NR2C2: variants seen among roughly 807,000 people sequenced by gnomAD.
NR2C2 encodes the protein Nuclear hormone receptor TR4.
NR2C2 carries 6 observed loss-of-function variants against 62.9 expected under a neutral mutation model. The observed-to-expected ratio is 0.10, with a 90% confidence interval of 0.05 to 0.19. NR2C2 has a LOEUF of 0.19. Among genes scored for constraint, NR2C2 ranks in the 10% least tolerant of loss-of-function variants. NR2C2 has a pLI of 1.00. For synonymous variants in NR2C2, 272 were observed against 273.8 expected (o/e 0.99, Z 0.07); for missense variants, 479 against 762.7 (o/e 0.63, Z 4.38).
At chr3:14,948,354 G>GC (rs1421949988) in intron 1 of NR2C2, 1 of 152,214 alleles carries the variant, frequency 6.6e-6, no homozygotes, top group African/African-American at 2.4e-5. Flanking sequence ...CAGCCCAACC[G>GC]CCGTTTTTTC....
intron 11 of NR2C2, among the ~76,000 whole-genome samples, chr3:15,037,471 T>G (rs144750624): frequency 6.6e-4 from 101 of 152,302 alleles, no homozygotes; most frequent in African/African-American, 2.2e-3. Context: ...AAGCCAGGCA[T>G]GGTGATGCAC....
chr3:15,020,774 G>C lies in NR2C2; in HGVS notation c.398G>C (p.Ser133Thr), dbSNP rs2041649865. ...TCAGGCCGTCACTATGGGGCTGTCA[G>C]TTGTGAAGGTTGCAAAGGTTTCTTC... ...KASGRHYGAV[S>T]CEGCKGFFKR... is the part of the protein sequence containing the mutation. The change falls in exon 5 of 14, where the codon AGT (serine) becomes ACT (threonine). Residue 133 changes from serine to threonine, a missense_variant. Ser to Thr is a moderately conservative substitution (Grantham distance 58). Coordinates refer to ENST00000425241, the MANE Select transcript of NR2C2 (RefSeq NM_001291694.2). The C allele has an allele frequency of 6.2e-7, 1 of 1,614,036 alleles. No individual in the cohort carries two copies. The highest frequency in any genetic ancestry group is 1.3e-5 in the African/African-American group (1 of 74,926).
chr3:15,019,064 A>G (rs2041598204), intron 4 of NR2C2, among the ~76,000 whole-genome samples: 1 of 150,316 alleles, frequency 6.7e-6, no homozygotes, highest in African/African-American at 2.4e-5. Context: ...AAAATCTTAT[A>G]AAAATAAAAA....
In NR2C2 at chr3:14,996,356, T is replaced by C. The variant is rs903557449; in HGVS notation, c.-39-7520T>C. Among the ~76,000 whole-genome samples, 33 of 152,274 alleles carry C rather than the reference T, an allele frequency of 2.2e-4. 4 individuals carry two copies. Among genetic ancestry groups the C allele is most frequent in the South Asian group, 2.1e-3 (10 of 4,830 alleles). On this transcript the variant is annotated intron_variant, in intron 1 of 13. Transcript: ENST00000425241. ...TCTGTTTGAGAGACACATTAGCACATTGTATCATGTGTAGCAAAGACAGTT... is the reference window on the plus strand; with the variant it reads ...TCTGTTTGAGAGACACATTAGCACACTGTATCATGTGTAGCAAAGACAGTT...
intron 11 of NR2C2, among the ~76,000 whole-genome samples, chr3:15,037,203 TTTTG>T (rs987915349): frequency 3.1e-5 from 4 of 126,992 alleles, no homozygotes; most frequent in South Asian, 2.3e-4. Flanking sequence ...TGTTATTGTT[TTTTG>T]TTTGTGTGTG....
Position 15,028,703 on chromosome 3 carries a change from G to A in NR2C2, c.916G>A (p.Ala306Thr). 1 of 1,614,032 alleles carries A rather than the reference G, an allele frequency of 6.2e-7. No individual in the cohort carries two copies. Among genetic ancestry groups the A allele is most frequent in the Non-Finnish European group, 8.5e-7 (1 of 1,179,914 alleles). The change falls in exon 8 of 14, where the codon GCA (alanine) becomes ACA (threonine). Residue 306 changes from alanine to threonine, a missense_variant. Physicochemically the swap from Ala to Thr is moderately conservative, Grantham distance 58 (BLOSUM62 0). Around this residue, in one of 4 missense-constraint regions of NR2C2, gnomAD observed 151 missense variants for 176.1 expected, o/e 0.86. Transcript: ENST00000425241. The part of the protein sequence containing the change: ...TSEIQPEDQS[A>T]SEITRAFDTL... ...AGAAATCCAGCCAGAGGACCAGTCT[G>A]CAAGTGAGATAACTCGGTACGAGCC...
Position 15,045,902 on chromosome 3 carries a change from A to G in NR2C2, c.*2894A>G, listed in dbSNP as rs2125116719. On this transcript the variant is annotated 3_prime_UTR_variant, in exon 14 of 14. Coordinates refer to ENST00000425241, the MANE Select transcript of NR2C2 (RefSeq NM_001291694.2). ...GCTGGCTCAGAGAGGTGGGACAGACACATGCTGTCATCAGTTAAGTGAGCT... is the reference window on the plus strand; with the variant it reads ...GCTGGCTCAGAGAGGTGGGACAGACGCATGCTGTCATCAGTTAAGTGAGCT... The G allele has an allele frequency of 1.3e-5, 2 of 152,360 alleles. No individual in the cohort carries two copies. The highest frequency in any genetic ancestry group is 2.1e-4 in the South Asian group (1 of 4,828). The allele number at this position is 152,360 out of a possible 1,614,324, so 9.4% of individuals were successfully genotyped here.
intron 11 of NR2C2, among the ~76,000 whole-genome samples, chr3:15,035,262 T>A (rs933071334): frequency 6.6e-6 from 1 of 152,182 alleles, no homozygotes; most frequent in Non-Finnish European, 1.5e-5. Context: ...AGGTACTCCA[T>A]CCTGGGTAAT....
chr3:15,018,382 A>AT (rs2041571670), intron 4 of NR2C2, among the ~76,000 whole-genome samples: 1 of 152,258 alleles, frequency 6.6e-6, no homozygotes, highest in South Asian at 2.1e-4. Flanking sequence ...TACCCAGAAC[A>AT]TATAGCGAAC....
intron 1 of NR2C2, among the ~76,000 whole-genome samples, chr3:15,002,444 A>G (rs2041035152): frequency 6.6e-6 from 1 of 152,020 alleles, no homozygotes; most frequent in South Asian, 2.1e-4. Flanking sequence ...GTGGTGTATA[A>G]TCCTTTATAT....
At chr3:15,020,032 A>G (rs2041626427) in intron 4 of NR2C2, among the ~76,000 whole-genome samples, 1 of 152,248 alleles carries the variant, frequency 6.6e-6, no homozygotes, top group African/African-American at 2.4e-5. Context: ...GACATGGACA[A>G]TTACAATGTA....
At position 15,043,085 on chromosome 3, in the gene NR2C2, T is replaced by G; in HGVS notation, c.*77T>G. ...CATACAAAGAAAAGTAGTGGTATTT[T>G]GGTATGTGCAAATATTTCCATATGT... On this transcript the variant is annotated 3_prime_UTR_variant, in exon 14 of 14. Coordinates refer to ENST00000425241, the MANE Select transcript of NR2C2 (RefSeq NM_001291694.2). 2 of 1,407,084 alleles carry G rather than the reference T, an allele frequency of 1.4e-6. No individual in the cohort carries two copies. Among genetic ancestry groups the G allele is most frequent in the Non-Finnish European group, 1.9e-6 (2 of 1,042,544 alleles). The allele number at this position is 1,407,084 out of a possible 1,614,324, so 87.2% of individuals were successfully genotyped here.
At chr3:15,017,255 C>T (rs1189576390) in intron 4 of NR2C2, among the ~76,000 whole-genome samples, 4 of 152,190 alleles carry the variant, frequency 2.6e-5, no homozygotes, top group Non-Finnish European at 5.9e-5. Context: ...CCTGCCTCTG[C>T]TCCCGCCCTT....
At position 15,016,218 on chromosome 3, in the gene NR2C2, G is replaced by T. The variant is rs1207919387; in HGVS notation, c.340G>T (p.Val114Leu). The T allele has an allele frequency of 1.2e-6, 2 of 1,613,986 alleles. No homozygotes were observed. The highest frequency in any genetic ancestry group is 8.5e-7 in the Non-Finnish European group (1 of 1,179,968). The change falls in exon 4 of 14, where the codon GTA becomes TTA. Residue 114 changes from valine to leucine, a missense_variant. Coordinates refer to ENST00000425241, the MANE Select transcript of NR2C2 (RefSeq NM_001291694.2). ...GKTDVQRPQV[V>L]EYCVVCGDKA... ...GACGGACGTCCAGCGGCCCCAGGTG[G>T]TAGAGTACTGTGTGGTCTGTGGCGA...
At chr3:14,974,764 C>A (rs113362793) in intron 1 of NR2C2, among the ~76,000 whole-genome samples, 2 of 151,806 alleles carry the variant, frequency 1.3e-5, no homozygotes, top group Non-Finnish European at 2.9e-5. Context: ...CCACCATGCC[C>A]GGCTAATTTT....
At chr3:15,033,052 G>A (rs2042019715) in intron 10 of NR2C2, among the ~76,000 whole-genome samples, 1 of 151,706 alleles carries the variant, frequency 6.6e-6, no homozygotes, top group African/African-American at 2.4e-5. Flanking sequence ...TGTGCCAAGT[G>A]CTGTGCAGCT....
intron 10 of NR2C2, chr3:15,034,232 G>C (rs2042049455): frequency 6.5e-6 from 1 of 153,318 alleles, no homozygotes. Context: ...CCTGCCTCCT[G>C]CCCTGCAGGG....
intron 5 of NR2C2, among the ~76,000 whole-genome samples, chr3:15,022,128 C>A (rs1376312258): frequency 6.6e-6 from 1 of 152,234 alleles, no homozygotes; most frequent in East Asian, 1.9e-4. Flanking sequence ...AGTAGCATAT[C>A]TGAATATTAG....
intron 1 of NR2C2, among the ~76,000 whole-genome samples, chr3:14,971,499 T>C (rs944043540): frequency 2.6e-5 from 4 of 151,712 alleles, no homozygotes; most frequent in African/African-American, 9.8e-5. Context: ...AGCATCTGTA[T>C]ACCCAGAAGT....
Sources: allele counts gnomAD v4.1 joint callset (sites outside exome capture counted in the v4.1 genomes callset), GRCh38; gene constraint gnomAD v4.1.1; regional missense constraint gnomAD v4.1.1; transcripts MANE v1.5; gene names NCBI Gene and HGNC (gene_info 2026-07-23, HGNC 2026-07-21).